PXDNL: variants seen among roughly 807,000 people sequenced by gnomAD.
PXDNL encodes the protein peroxidasin like.
Under a neutral mutation model 150.8 loss-of-function variants are expected in PXDNL, and 145 were observed. The observed-to-expected ratio is 0.96, with a 90% confidence interval of 0.84 to 1.10. PXDNL has a LOEUF of 1.10. PXDNL is among the 50% of genes least tolerant of loss of function. The pLI is 0.00. For missense variants in PXDNL, 2,087 were observed against 1,873.9 expected (o/e 1.11, Z -2.10); for synonymous variants, 757 against 725.7 (o/e 1.04, Z -0.69).
At chr8:51,368,501 C>T (rs1217203704) in intron 19 of PXDNL, among the ~76,000 whole-genome samples, 1 of 151,630 alleles carries the variant, frequency 6.6e-6, no homozygotes, top group African/African-American at 2.4e-5. Flanking sequence ...AACCAGTAAG[C>T]TATTATTCGT....
At chr8:51,452,935 A>AACACATACACACCCACAC (rs60146365) in intron 10 of PXDNL, among the ~76,000 whole-genome samples, 1 of 142,566 alleles carries the variant, frequency 7.0e-6, no homozygotes, top group Non-Finnish European at 1.5e-5. Context: ...CACACACACA[A>AACACATACACACCCACAC]ACACACACAC....
At position 51,408,586 on chromosome 8, in the gene PXDNL, G is replaced by A. The variant is rs1808511204; in HGVS notation, c.3038C>T (p.Thr1013Ile). The change falls in exon 17 of 23, where the codon ACC becomes ATC. Residue 1013 changes from threonine (T) to isoleucine (I), a missense_variant. Thr to Ile is a moderately conservative substitution (Grantham distance 89). Transcript: ENST00000356297. Reference protein sequence around the residue: ...KIVGAELQHITYSHWLPKVLG... With the variant: ...KIVGAELQHIIYSHWLPKVLG... ...GACCTTAGGCAGCCAGTGGCTGTAG[G>A]TGATGTGCTGCAGCTCCGCGCCCAC... 6.2e-7 allele frequency: 1 copy of A among 1,612,598 alleles called. No individual in the cohort carries two copies. Among genetic ancestry groups the A allele is most frequent in the Non-Finnish European group, 8.5e-7 (1 of 1,179,424 alleles).
chr8:51,374,150 G>A (rs944324510), intron 18 of PXDNL, among the ~76,000 whole-genome samples: 1 of 152,176 alleles, frequency 6.6e-6, no homozygotes, highest in Non-Finnish European at 1.5e-5. Flanking sequence ...AGAATGAAGG[G>A]AGGGAATCTC....
chr8:51,376,020 G>T (rs1005474392), intron 17 of PXDNL, among the ~76,000 whole-genome samples: 2 of 152,240 alleles, frequency 1.3e-5, no homozygotes, highest in East Asian at 3.8e-4. Context: ...GCAAGAGCTA[G>T]AATTCTGAGG....
At chr8:51,527,678 T>G (rs1811798373) in intron 4 of PXDNL, among the ~76,000 whole-genome samples, 2 of 152,188 alleles carry the variant, frequency 1.3e-5, no homozygotes, top group African/African-American at 4.8e-5. Flanking sequence ...AACACAGGTC[T>G]GGATCTCATA....
intron 8 of PXDNL, among the ~76,000 whole-genome samples, chr8:51,460,069 G>T (rs958265642): frequency 2.0e-5 from 3 of 151,834 alleles, no homozygotes; most frequent in African/African-American, 7.3e-5. Context: ...GCAACACAGT[G>T]AGACCCTGTC....
intron 7 of PXDNL, among the ~76,000 whole-genome samples, chr8:51,474,384 T>C (rs549990807): frequency 2.0e-4 from 30 of 152,330 alleles, no homozygotes; most frequent in African/African-American, 6.5e-4. Flanking sequence ...TAATAAATTA[T>C]TTAGGTAAAG....
At chr8:51,744,974 AAGAAAGAAAGAAAGAAAGGG>A (rs1563307860) in intron 1 of PXDNL, among the ~76,000 whole-genome samples, 3 of 3,258 alleles carry the variant, frequency 9.2e-4, no homozygotes, top group African/African-American at 1.3e-3. Flanking sequence ...GAAAGAAAGA[AAGAAAGAAAGAAAGAAAGGG>A]AGGGAGGGAA....
intron 2 of PXDNL, among the ~76,000 whole-genome samples, chr8:51,639,670 G>C (rs1432711462): frequency 6.6e-6 from 1 of 152,130 alleles, no homozygotes; most frequent in African/African-American, 2.4e-5. Context: ...TTGAATCTCT[G>C]AATAGACCAG....
chr8:51,703,139 T>A (rs1365629637), intron 1 of PXDNL, among the ~76,000 whole-genome samples: 1 of 152,176 alleles, frequency 6.6e-6, no homozygotes, highest in African/African-American at 2.4e-5. Context: ...CCCATGACAT[T>A]TTGCCATTAA....
intron 2 of PXDNL, among the ~76,000 whole-genome samples, chr8:51,628,945 A>G (rs879377165): frequency 3.3e-5 from 5 of 152,200 alleles, no homozygotes; most frequent in African/African-American, 1.2e-4. Flanking sequence ...TTATCTATTC[A>G]AAATATCCAA....
chr8:51,749,956 T>C (rs1252293225), intron 1 of PXDNL, among the ~76,000 whole-genome samples: 4 of 152,142 alleles, frequency 2.6e-5, no homozygotes, highest in African/African-American at 9.7e-5. Context: ...AACCTCGGCC[T>C]CCCAAAGTGC....
intron 1 of PXDNL, among the ~76,000 whole-genome samples, chr8:51,686,574 A>G (rs1815881401): frequency 6.6e-6 from 1 of 152,244 alleles, no homozygotes; most frequent in Admixed American, 6.5e-5. Flanking sequence ...TGGAGACAAC[A>G]GTAGTTTTTA....
At chr8:51,765,230 C>A (rs2037215193) in intron 1 of PXDNL, among the ~76,000 whole-genome samples, 1 of 152,110 alleles carries the variant, frequency 6.6e-6, no homozygotes, top group Non-Finnish European at 1.5e-5. Flanking sequence ...ATAATTGAAC[C>A]ATGGGGGCGG....
At chr8:51,493,906 T>C (rs1810966728) in intron 5 of PXDNL, among the ~76,000 whole-genome samples, 1 of 152,052 alleles carries the variant, frequency 6.6e-6, no homozygotes, top group Non-Finnish European at 1.5e-5. Context: ...CAGGCCAACA[T>C]TCAAATTCAG....
At chr8:51,488,513 TA>T (rs1810818667) in intron 5 of PXDNL, among the ~76,000 whole-genome samples, 1 of 152,012 alleles carries the variant, frequency 6.6e-6, no homozygotes. Flanking sequence ...GACATAGAAA[TA>T]GAGATTTTTT....
chr8:51,441,650 G>A (rs16916283), intron 12 of PXDNL, among the ~76,000 whole-genome samples: 28,642 of 152,086 alleles, frequency 0.19, 3,012 homozygotes, highest in East Asian at 0.32. Context: ...AAGTCCCTCA[G>A]TACTGGTACA....
intron 19 of PXDNL, among the ~76,000 whole-genome samples, chr8:51,348,223 T>C (rs185253578): frequency 3.0e-4 from 46 of 152,168 alleles, no homozygotes; most frequent in Admixed American, 6.5e-5. Context: ...GCAGATAAAC[T>C]CTCATCATCT....
intron 1 of PXDNL, among the ~76,000 whole-genome samples, chr8:51,712,951 TA>T (rs1443977760): frequency 1.2e-4 from 19 of 152,048 alleles, no homozygotes; most frequent in Non-Finnish European, 2.1e-4. Flanking sequence ...ACCATAGAAA[TA>T]AAAAATCTGG....
Sources: gnomAD v4.1 joint callset for allele counts (sites outside exome capture counted in the v4.1 genomes callset) on GRCh38, gnomAD v4.1.1 for gene constraint, MANE v1.5 for transcripts, NCBI Gene and HGNC (gene_info 2026-07-23, HGNC 2026-07-21) for gene names.